The following MYT1L variants were observed in gnomAD, a reference collection of about 807,000 sequenced individuals.
MYT1L encodes the protein myelin transcription factor 1 like, also known as myelin transcription factor 1-like protein.
Under a neutral mutation model 126.7 loss-of-function variants are expected in MYT1L, and 12 were observed. The observed-to-expected ratio is 0.09, with a 90% CI of 0.06 to 0.15. The LOEUF (loss-of-function observed/expected upper bound fraction) is 0.15, where lower values mean the gene tolerates loss of function less well. MYT1L is among the 10% of genes least tolerant of loss of function. The probability of loss-of-function intolerance (pLI) is 1.00; values close to 1 mark genes in which losing one functional copy is unlikely to be tolerated. For synonymous variants in MYT1L, 541 were observed against 604.2 expected, an observed-to-expected ratio of 0.90 and a Z score of 1.53; for missense variants, 979 against 1,585.2, an observed-to-expected ratio of 0.62 and a Z score of 6.49.
At chr2:1,828,576 G>A (rs569422388) in intron 21 of MYT1L, 1 of 152,298 alleles carries the variant, frequency 6.6e-6, no homozygotes, top group African/African-American at 2.4e-5. Context: ...GTAGACCTCA[G>A]CTCTGCTCAA....
At chr2:2,139,383 G>C (rs999435744) in intron 3 of MYT1L, among the ~76,000 whole-genome samples, 1 of 151,852 alleles carries the variant, frequency 6.6e-6, no homozygotes, top group Non-Finnish European at 1.5e-5. Flanking sequence ...ACTTTGGGAG[G>C]CCGAGGTGGG....
intron 4 of MYT1L, among the ~76,000 whole-genome samples, chr2:2,031,401 T>C (rs2066230305): frequency 1.3e-5 from 2 of 148,288 alleles, no homozygotes; most frequent in Non-Finnish European, 3.0e-5. Flanking sequence ...CCCTCCCAAG[T>C]GCCTCTCATC....
At chr2:2,108,135 G>T (rs938181032) in intron 3 of MYT1L, among the ~76,000 whole-genome samples, 1 of 152,098 alleles carries the variant, frequency 6.6e-6, no homozygotes, top group African/African-American at 2.4e-5. Flanking sequence ...TTATTCGGAG[G>T]GTGTCCGTGC....
At chr2:2,132,540 CAG>C (rs903236746) in intron 3 of MYT1L, among the ~76,000 whole-genome samples, 3 of 128,458 alleles carry the variant, frequency 2.3e-5, no homozygotes, top group African/African-American at 9.3e-5. Flanking sequence ...CACATGGACA[CAG>C]AGAGGGGAAC....
chr2:2,166,915 A>G (rs1572066837), intron 3 of MYT1L, among the ~76,000 whole-genome samples: 6 of 152,322 alleles, frequency 3.9e-5, no homozygotes, highest in Admixed American at 3.9e-4. Context: ...CTTTAACAAA[A>G]TGTTCTTAAA....
chr2:2,217,410 C>A (rs903756587), intron 2 of MYT1L, among the ~76,000 whole-genome samples: 4 of 151,976 alleles, frequency 2.6e-5, no homozygotes, highest in Non-Finnish European at 5.9e-5. Flanking sequence ...CAGCCAGGCA[C>A]GGTGGCTCAT....
chr2:1,910,131 C>A lies in MYT1L; in HGVS notation c.1817+109G>T. 2.0e-6 allele frequency: 2 copies of A among 1,013,296 alleles called. No homozygotes were observed. The highest frequency in any genetic ancestry group is 3.0e-5 in the South Asian group (2 of 66,756). The allele number at this position is 1,013,296 out of a possible 1,614,324, so 62.8% of individuals were successfully genotyped here. ...TTCCAGCACAGCCCCGCCCTCCAGT[C>A]CCTGCCCCTGCTGCTGTAGGGACAT... On this transcript the variant is annotated intron_variant, in intron 13 of 24. Transcript: ENST00000647738. The surrounding 1 kb of genome is among the most constrained non-coding windows in gnomAD (Gnocchi z 4.8).
rs2093966424 is a variant in MYT1L, at chr2:2,224,801, A to C, written c.-420-51813T>G. On this transcript the variant is annotated intron_variant, in intron 2 of 24. Transcript: ENST00000647738. This position sits in a 1 kb window ranked among gnomAD's most constrained non-coding sequence, Gnocchi z 4.0. ...GCCACTGCACTCCAGCCTGGGCAAC[A>C]GAGCAAGACTCCGTCTCAAAAGAAA... Among the ~76,000 whole-genome samples, 1 of 150,470 alleles carries C rather than the reference A, an allele frequency of 6.6e-6. No individual in the cohort carries two copies. The highest frequency in any genetic ancestry group is 1.5e-5 in the Non-Finnish European group (1 of 67,778).
chr2:2,214,481 A>G (rs1035769221), intron 2 of MYT1L, among the ~76,000 whole-genome samples: 1 of 152,082 alleles, frequency 6.6e-6, no homozygotes. Context: ...ATAATAGGGA[A>G]AAAAAGGTGT....
At chr2:1,925,397 T>A (rs1238500452) in intron 9 of MYT1L, among the ~76,000 whole-genome samples, 1 of 152,228 alleles carries the variant, frequency 6.6e-6, no homozygotes, top group African/African-American at 2.4e-5. Context: ...AAATGTGTTA[T>A]GTACAACATT....
intron 19 of MYT1L, among the ~76,000 whole-genome samples, chr2:1,845,374 T>G (rs2148459076): frequency 6.6e-6 from 1 of 152,176 alleles, no homozygotes; most frequent in Admixed American, 6.5e-5. Context: ...TCCTCTCACC[T>G]TCCTCCTTTG....
chr2:2,037,141 T>A (rs2149979655), intron 4 of MYT1L, among the ~76,000 whole-genome samples: 1 of 152,318 alleles, frequency 6.6e-6, no homozygotes, highest in South Asian at 2.1e-4. Flanking sequence ...ATCACTCCAC[T>A]TAGACTAAAT....
chr2:2,104,662 G>A (rs1410868711), intron 3 of MYT1L, among the ~76,000 whole-genome samples: 3 of 152,148 alleles, frequency 2.0e-5, no homozygotes, highest in East Asian at 1.9e-4. Flanking sequence ...GTCTTTGTCC[G>A]GCTCACTGGC....
At chr2:2,120,598 T>A (rs960770853) in intron 3 of MYT1L, among the ~76,000 whole-genome samples, 3 of 152,070 alleles carry the variant, frequency 2.0e-5, no homozygotes, top group African/African-American at 7.2e-5. Context: ...CTGTGAGGGA[T>A]GGATGTGAAG....
intron 1 of MYT1L, among the ~76,000 whole-genome samples, chr2:2,330,676 C>T (rs1201503351): frequency 1.3e-5 from 2 of 152,180 alleles, no homozygotes; most frequent in Non-Finnish European, 2.9e-5. Flanking sequence ...TCAGTATCCT[C>T]TTATCCTCCA....
chr2:1,899,676 A>G (rs1337543092), intron 14 of MYT1L, among the ~76,000 whole-genome samples: 1 of 152,200 alleles, frequency 6.6e-6, no homozygotes, highest in Non-Finnish European at 1.5e-5. Context: ...CTACTTTTGC[A>G]TGATTTCTGC....
chr2:1,943,250 G>A lies in MYT1L; in HGVS notation c.237C>T (p.Ala79=), dbSNP rs1205540596. ...QEPAPKRKPF[A]VKADSSSVDE... is the part of the protein sequence containing the mutation. Reference sequence around the variant, plus strand: ...CCACTGAGGAGCTGTCTGCTTTCACGGCAAATGGCTTTCGTTTAGGAGCAG... The same window carrying A: ...CCACTGAGGAGCTGTCTGCTTTCACAGCAAATGGCTTTCGTTTAGGAGCAG... The change falls in exon 9 of 25, where the codon GCC becomes GCT. Residue 79 remains alanine, a synonymous_variant. Coordinates refer to ENST00000647738, the MANE Select transcript of MYT1L (RefSeq NM_001303052.2). This position sits in a 1 kb window ranked among gnomAD's most constrained non-coding sequence, Gnocchi z 4.4. 3.9e-6 allele frequency: 6 copies of A among 1,556,160 alleles called. No individual in the cohort carries two copies. The highest frequency in any genetic ancestry group is 2.7e-5 in the African/African-American group (2 of 73,218).
intron 21 of MYT1L, among the ~76,000 whole-genome samples, chr2:1,829,178 G>A (rs1357328024): frequency 6.6e-6 from 1 of 152,086 alleles, no homozygotes; most frequent in Non-Finnish European, 1.5e-5. Context: ...ACTGGGCAGA[G>A]CACTCCCTGG....
intron 3 of MYT1L, among the ~76,000 whole-genome samples, chr2:2,121,474 CTCTT>C (rs993948195): frequency 5.1e-4 from 78 of 151,804 alleles, no homozygotes; most frequent in African/African-American, 1.7e-3. Flanking sequence ...CGCCCTCAAC[CTCTT>C]TCTTTGTTGC....
Sources: allele counts gnomAD v4.1 joint callset (sites outside exome capture counted in the v4.1 genomes callset), GRCh38; gene constraint gnomAD v4.1.1; non-coding constraint Gnocchi (gnomAD v3.1); transcripts MANE v1.5; gene names NCBI Gene and HGNC (gene_info 2026-07-23, HGNC 2026-07-21).